Variants in KCNT2 observed in about 807,000 individuals in gnomAD.
The protein encoded by KCNT2 is potassium channel subfamily T member 2.
KCNT2 carries 67 observed loss-of-function variants against 153.8 expected under a neutral mutation model. The ratio of observed to expected loss-of-function variants is 0.44; its 90% CI spans 0.36 to 0.53. The LOEUF (loss-of-function observed/expected upper bound fraction) is 0.53, where lower values mean the gene tolerates loss of function less well. KCNT2 is among the 20% of genes least tolerant of loss of function. KCNT2 has a pLI of 0.00. For synonymous variants in KCNT2, 500 were observed against 458.8 expected (o/e 1.09, Z -1.15); for missense variants, 975 against 1,354.8 (o/e 0.72, Z 4.40).
chr1:196,313,344 A>G (rs1184486352), intron 21 of KCNT2, among the ~76,000 whole-genome samples: 2 of 151,704 alleles, frequency 1.3e-5, no homozygotes, highest in South Asian at 4.1e-4. Context: ...GGTTTAGGCT[A>G]TGACCATGAG....
At chr1:196,585,358 A>G (rs1442322233) in intron 1 of KCNT2, among the ~76,000 whole-genome samples, 3 of 152,178 alleles carry the variant, frequency 2.0e-5, no homozygotes, top group Non-Finnish European at 4.4e-5. Context: ...AGTAACTGGT[A>G]GTGAGTAAAT....
Position 196,428,189 on chromosome 1 carries a change from C to T in KCNT2, c.900G>A (p.Lys300=), listed in dbSNP as rs376027009. 3.3e-5 allele frequency: 53 copies of T among 1,612,058 alleles called. No homozygotes were observed. Among genetic ancestry groups the T allele is most frequent in the East Asian group, 6.7e-5 (3 of 44,740 alleles). ...GTGAGCTGACACACAGGACGACATG[C>T]TTTTCAGTTTGAGCTCTATGTCGAC... The part of the protein sequence containing the change: ...NYSRHRAQTE[K]HVVLCVSSLK... The change falls in exon 10 of 28, where the codon AAG becomes AAA. Residue 300 remains lysine (K), a synonymous_variant. Transcript: ENST00000294725.
At chr1:196,484,082 T>C (rs1217007839) in intron 3 of KCNT2, among the ~76,000 whole-genome samples, 1 of 152,166 alleles carries the variant, frequency 6.6e-6, no homozygotes, top group Non-Finnish European at 1.5e-5. Context: ...CAAAAGTTAC[T>C]ATATTGTCAA....
At chr1:196,317,403 T>C (rs192980010) in intron 20 of KCNT2, 2 of 258,678 alleles carry the variant, frequency 7.7e-6, no homozygotes, top group Admixed American at 9.0e-5. Flanking sequence ...TTCAGGAAAT[T>C]TATCATAATT....
At chr1:196,585,103 G>A (rs1320099655) in intron 1 of KCNT2, among the ~76,000 whole-genome samples, 1 of 152,010 alleles carries the variant, frequency 6.6e-6, no homozygotes, top group African/African-American at 2.4e-5. Context: ...AAGAGACTTG[G>A]AGTCTAGTTG....
intron 1 of KCNT2, among the ~76,000 whole-genome samples, chr1:196,508,913 A>C (rs912686965): frequency 6.6e-6 from 1 of 152,124 alleles, no homozygotes; most frequent in Admixed American, 6.6e-5. Flanking sequence ...CAACCCAGCA[A>C]CTCCATGCCT....
intron 1 of KCNT2, among the ~76,000 whole-genome samples, chr1:196,602,806 GTC>G (rs1159409496): frequency 1.8e-4 from 20 of 108,914 alleles, no homozygotes; most frequent in Non-Finnish European, 2.7e-4. Context: ...TTGAGACGGA[GTC>G]TCGCTCTGTC....
chr1:196,286,397 G>A (rs1246561161), intron 22 of KCNT2, among the ~76,000 whole-genome samples: 1 of 152,044 alleles, frequency 6.6e-6, no homozygotes, highest in East Asian at 1.9e-4. Context: ...AAATCTCCCA[G>A]CACCTTGAAT....
intron 13 of KCNT2, among the ~76,000 whole-genome samples, chr1:196,386,781 A>G (rs1454798119): frequency 1.3e-5 from 2 of 152,090 alleles, no homozygotes; most frequent in Non-Finnish European, 2.9e-5. Context: ...AGATTTATCA[A>G]TTTAGTCCTT....
At chr1:196,249,267 A>G (rs1655735778) in intron 26 of KCNT2, among the ~76,000 whole-genome samples, 1 of 152,172 alleles carries the variant, frequency 6.6e-6, no homozygotes, top group South Asian at 2.1e-4. Flanking sequence ...ACTTTCAACG[A>G]CATCATTCAA....
intron 13 of KCNT2, among the ~76,000 whole-genome samples, chr1:196,396,644 A>C (rs893859295): frequency 6.6e-6 from 1 of 151,670 alleles, no homozygotes; most frequent in Non-Finnish European, 1.5e-5. Context: ...GTAAAAAGAG[A>C]TCCTCTGAAA....
rs184226029 is a variant in KCNT2, at chr1:196,391,462, A to C, written c.1294+7101T>G. On this transcript the variant is annotated intron_variant, in intron 13 of 27. Transcript: ENST00000294725. ...TAGAATATGTCTGGCACTTTCTAAA[A>C]AAATAAGTATTATTTTACTCTGGTA... is the stretch of plus-strand genomic sequence containing the variant. Among the ~76,000 whole-genome samples the C allele has an allele frequency of 4.0e-4, 60 of 151,530 alleles. No homozygotes were observed. In the South Asian group the frequency reaches 5.0e-3, roughly 13 times the overall value.
chr1:196,330,389 A>G (rs1235978939), intron 18 of KCNT2, among the ~76,000 whole-genome samples: 1 of 151,892 alleles, frequency 6.6e-6, no homozygotes, highest in Non-Finnish European at 1.5e-5. Flanking sequence ...AAACTTGGTG[A>G]AGTTAGTTGC....
Position 196,489,844 on chromosome 1 carries a change from T to C in KCNT2, c.269A>G (p.Asn90Ser), listed in dbSNP as rs1192182808. 1 of 1,519,066 alleles carries C rather than the reference T, an allele frequency of 6.6e-7. No individual in the cohort carries two copies. 94.1% of individuals were successfully genotyped at this position (1,519,066 alleles called of 1,614,324 possible). A position where few individuals can be genotyped will look rare whatever the true frequency, so the allele number is the denominator to read the frequency against. ...TCAGAAAAAGGTACCTTACCATTCATTTCCTTGTGAAGGGTTTTCTAGTAG... is the reference window on the plus strand; with the variant it reads ...TCAGAAAAAGGTACCTTACCATTCACTTCCTTGTGAAGGGTTTTCTAGTAG... ...RVLLENPSQGNEWSHIFWVNR... is the reference protein window; with the variant it reads ...RVLLENPSQGSEWSHIFWVNR... The change falls in exon 3 of 28, where the codon AAT becomes AGT. Residue 90 changes from asparagine to serine, a missense_variant. Physicochemically the swap from Asn to Ser is conservative, Grantham distance 46. This residue lies in a region of KCNT2 where 140 missense variants were observed against 216.0 expected (regional missense o/e 0.65). Transcript: ENST00000294725.
intron 25 of KCNT2, among the ~76,000 whole-genome samples, chr1:196,262,127 T>C (rs1657083442): frequency 6.6e-6 from 1 of 151,806 alleles, no homozygotes; most frequent in Non-Finnish European, 1.5e-5. Flanking sequence ...AAATAGCTGA[T>C]TATATTATAG....
intron 1 of KCNT2, among the ~76,000 whole-genome samples, chr1:196,496,467 C>CAAAAAAAAAAAAAAAAAAAAA (rs548990555): frequency 1.6e-5 from 1 of 61,264 alleles, no homozygotes. Flanking sequence ...GACTCTGTCT[C>CAAAAAAAAAAAAAAAAAAAAA]AAAAAAAAAA....
intron 12 of KCNT2, among the ~76,000 whole-genome samples, chr1:196,416,443 C>G (rs1672759754): frequency 6.6e-6 from 1 of 152,022 alleles, no homozygotes; most frequent in Non-Finnish European, 1.5e-5. Context: ...GGGTTTGGTA[C>G]TATCGGCAAT....
chr1:196,549,648 G>A (rs1269837314), intron 1 of KCNT2, among the ~76,000 whole-genome samples: 1 of 151,746 alleles, frequency 6.6e-6, no homozygotes, highest in African/African-American at 2.4e-5. Flanking sequence ...AATAACTCTG[G>A]GACCAGCCTT....
At position 196,503,338 on chromosome 1, in the gene KCNT2, A is replaced by G. The variant is rs148694666; in HGVS notation, c.96-10997T>C. 1.4e-3 allele frequency among the ~76,000 whole-genome samples: 212 copies of G among 152,284 alleles called. 2 individuals carry two copies. The highest frequency in any genetic ancestry group is 5.0e-3 in the African/African-American group (206 of 41,566). The stretch of plus-strand genomic sequence containing the variant: ...CATACACATGTGTATGATTACATAC[A>G]TTATAGATATATAAAGCTGTTCATC... On this transcript the variant is annotated intron_variant, in intron 1 of 27. Transcript: ENST00000294725.
Sources: gnomAD v4.1 joint callset for allele counts (sites outside exome capture counted in the v4.1 genomes callset) on GRCh38, gnomAD v4.1.1 for gene constraint, gnomAD v4.1.1 regional missense constraint, MANE v1.5 for transcripts, NCBI Gene and HGNC (gene_info 2026-07-23, HGNC 2026-07-21) for gene names.